CFAP36: variants seen among roughly 807,000 people sequenced by gnomAD.
CFAP36 encodes cilia- and flagella-associated protein 36.
Under a neutral mutation model 50.5 loss-of-function variants are expected in CFAP36, and 37 were observed. That is an observed-to-expected ratio of 0.73 (90% CI 0.56 to 0.96). CFAP36 has a LOEUF of 0.96. Ranked by LOEUF, CFAP36 falls within the 50% of genes least tolerant of loss-of-function variation. The probability of loss-of-function intolerance (pLI) is 0.00; values close to 1 mark genes in which losing one functional copy is unlikely to be tolerated. For missense variants in CFAP36, 407 were observed against 396.2 expected, an observed-to-expected ratio of 1.03 and a Z score of -0.23; for synonymous variants, 138 against 128.2, an observed-to-expected ratio of 1.08 and a Z score of -0.52.
intron 7 of CFAP36, among the ~76,000 whole-genome samples, chr2:55,539,769 C>T (rs990347868): frequency 3.3e-5 from 5 of 152,188 alleles, no homozygotes; most frequent in African/African-American, 1.2e-4. Flanking sequence ...TGCATCCTTG[C>T]CAGCATTTGG....
At chr2:55,535,891 A>G in intron 6 of CFAP36, 128 bp downstream of exon 6, 1 of 1,401,824 alleles carries the variant, frequency 7.1e-7, no homozygotes. Context: ...GTAAATATTG[A>G]CCAATAATAT....
chr2:55,523,498 C>T (rs1232279354), intron 2 of CFAP36, among the ~76,000 whole-genome samples: 1 of 152,144 alleles, frequency 6.6e-6, no homozygotes, highest in Non-Finnish European at 1.5e-5. Context: ...ATAATCCTGA[C>T]TTCAACTATT....
intron 1 of CFAP36, chr2:55,520,392 TCCAAA>T (rs1684030636): frequency 3.3e-6 from 5 of 1,534,334 alleles, no homozygotes; most frequent in Non-Finnish European, 3.5e-6. Context: ...ATGATTTCAC[TCCAAA>T]CCAACAGTTA....
At chr2:55,537,610 T>C in intron 7 of CFAP36, 25 bp downstream of exon 7, 14 of 1,431,390 alleles carry the variant, frequency 9.8e-6, no homozygotes, top group Non-Finnish European at 1.3e-5. Flanking sequence ...TACTGAACTT[T>C]CTCTAATAAT....
chr2:55,544,099 A>G (rs1041255322), intron 8 of CFAP36, 25 bp downstream of exon 8: 2 of 1,612,830 alleles, frequency 1.2e-6, no homozygotes, highest in Admixed American at 3.4e-5. Context: ...TCACTTAAGA[A>G]CTATAAGCAA....
chr2:55,544,755 A>T, intron 9 of CFAP36, 152 bp from the exon 10 acceptor site: 1 of 609,842 alleles, frequency 1.6e-6, no homozygotes, highest in Non-Finnish European at 2.9e-6. Flanking sequence ...GACTTTACGA[A>T]GAAGAGATTT....
intron 1 of CFAP36, among the ~76,000 whole-genome samples, chr2:55,521,412 T>C (rs183719315): frequency 3.7e-4 from 56 of 152,186 alleles, no homozygotes; most frequent in Admixed American, 1.2e-3. Flanking sequence ...TCCAGTACAA[T>C]AAAATAATAT....
Position 55,522,018 on chromosome 2 carries a change from C to G in CFAP36, c.116-84C>G, listed in dbSNP as rs1487046196. Reference sequence around the variant, plus strand: ...AAGCTGAAGAGCTAGGTTGACAGTTCTATTTGGAAGGAGTGGATTTTTAAA... The same window carrying G: ...AAGCTGAAGAGCTAGGTTGACAGTTGTATTTGGAAGGAGTGGATTTTTAAA... On this transcript the variant is annotated intron_variant, in intron 1 of 9. Coordinates refer to ENST00000349456, the MANE Select transcript of CFAP36 (RefSeq NM_080667.7). 4 of 676,858 alleles carry G rather than the reference C, an allele frequency of 5.9e-6. 1 individual carries two copies. In the African/African-American group the frequency reaches 7.4e-5, roughly 12 times the overall value. The allele number at this position is 676,858 out of a possible 1,614,324, so 41.9% of individuals were successfully genotyped here.
rs1684276126 is a variant in CFAP36 at position 55,528,766 on chromosome 2, A to G, written c.283-112A>G. ...CTTTTGGGACATCTAATCATAAATA[A>G]CAATGTAGCATTCTTGAATTAATCT... On this transcript the variant is annotated intron_variant, in intron 3 of 9. Coordinates refer to ENST00000349456, the MANE Select transcript of CFAP36 (RefSeq NM_080667.7). The G allele has an allele frequency of 1.5e-5, 9 of 616,632 alleles. No homozygotes were observed. The South Asian group carries it at 1.9e-4, about 13-fold the overall frequency. The allele number at this position is 616,632 out of a possible 1,614,324, so 38.2% of individuals were successfully genotyped here.
intron 7 of CFAP36, among the ~76,000 whole-genome samples, chr2:55,540,296 A>AT: frequency 6.6e-6 from 1 of 152,072 alleles, no homozygotes; most frequent in East Asian, 1.9e-4. Context: ...ATTTTGAATT[A>AT]TTTTTTGTGA....
At chr2:55,528,185 A>G (rs1476585009) in intron 3 of CFAP36, among the ~76,000 whole-genome samples, 2 of 148,688 alleles carry the variant, frequency 1.3e-5, no homozygotes, top group Non-Finnish European at 3.0e-5. Context: ...ATAAGGAATT[A>G]TATAATTATA....
chr2:55,532,637 T>C (rs1684383406), intron 4 of CFAP36, among the ~76,000 whole-genome samples: 1 of 152,252 alleles, frequency 6.6e-6, no homozygotes, highest in African/African-American at 2.4e-5. Context: ...AAAGAGTATA[T>C]AGCAGATTTC....
At chr2:55,525,821 AG>A (rs1429746135) in intron 3 of CFAP36, among the ~76,000 whole-genome samples, 1 of 152,132 alleles carries the variant, frequency 6.6e-6, no homozygotes, top group East Asian at 1.9e-4. Flanking sequence ...TAGTAGAGGC[AG>A]GGTTTCACTA....
intron 6 of CFAP36, 28 bp from the exon 7 acceptor site, chr2:55,537,455 T>A (rs766677224): frequency 8.8e-6 from 13 of 1,476,700 alleles, no homozygotes; most frequent in African/African-American, 4.2e-5. Flanking sequence ...GTGTGTTTTT[T>A]AAAAAATTGT....
At position 55,523,794 on chromosome 2, in the gene CFAP36, C is replaced by T. The variant is rs746869993; in HGVS notation, c.254C>T (p.Ser85Phe). Residue 85 changes from serine to phenylalanine, a missense_variant, in exon 3 of 10, where the codon TCT (serine) becomes TTT (phenylalanine). Coordinates refer to ENST00000349456, the MANE Select transcript of CFAP36 (RefSeq NM_080667.7). Reference sequence around the variant, plus strand: ...GATCAATTTCAAGAAGCATGCACTTCTCCTCTTGCAAAGACCCATACATCA... The same window carrying T: ...GATCAATTTCAAGAAGCATGCACTTTTCCTCTTGCAAAGACCCATACATCA... ...NEDQFQEACT[S>F]PLAKTHTSQA... 4 of 1,609,272 alleles carry T rather than the reference C, an allele frequency of 2.5e-6. No individual in the cohort carries two copies. In the South Asian group the frequency reaches 3.3e-5, roughly 13 times the overall value.
intron 6 of CFAP36, among the ~76,000 whole-genome samples, chr2:55,537,190 G>A (rs1489462030): frequency 6.6e-6 from 1 of 152,086 alleles, no homozygotes; most frequent in Non-Finnish European, 1.5e-5. Flanking sequence ...CAGCAACATG[G>A]CAAAACCCCA....
intron 1 of CFAP36, among the ~76,000 whole-genome samples, chr2:55,521,797 T>C (rs1684074461): frequency 6.6e-6 from 1 of 151,908 alleles, no homozygotes; most frequent in African/African-American, 2.4e-5. Context: ...GCCTGGCTGA[T>C]TTTTGTATTT....
intron 3 of CFAP36, among the ~76,000 whole-genome samples, chr2:55,525,276 A>AC (rs1432299231): frequency 6.6e-6 from 1 of 151,914 alleles, no homozygotes; most frequent in African/African-American, 2.4e-5. Flanking sequence ...ACATAGTGAG[A>AC]CCCCATCTTT....
chr2:55,524,287 C>T (rs1285019554), intron 3 of CFAP36, among the ~76,000 whole-genome samples: 2 of 152,036 alleles, frequency 1.3e-5, no homozygotes, highest in Non-Finnish European at 2.9e-5. Flanking sequence ...TATGGGGTCT[C>T]ACTCTATTGC....
Sources: gnomAD v4.1 joint callset for allele counts (sites outside exome capture counted in the v4.1 genomes callset) on GRCh38, gnomAD v4.1.1 for gene constraint, MANE v1.5 for transcripts, NCBI Gene and HGNC (gene_info 2026-07-23, HGNC 2026-07-21) for gene names.